The following DCAF6 variants were observed in gnomAD, a reference collection of about 807,000 sequenced individuals.
DCAF6 encodes DDB1 and CUL4 associated factor 6.
DCAF6 carries 54 observed loss-of-function variants against 125.1 expected under a neutral mutation model. That is an observed-to-expected ratio of 0.43 (90% CI 0.35 to 0.54). The LOEUF (loss-of-function observed/expected upper bound fraction) is 0.54. DCAF6 is among the 20% of genes least tolerant of loss of function. The pLI, the probability that DCAF6 is intolerant of heterozygous loss-of-function variation, is 0.01. For missense variants in DCAF6, 934 were observed against 1,161.7 expected (o/e 0.80, Z 2.85); for synonymous variants, 371 against 390.4 (o/e 0.95, Z 0.58).
intron 13 of DCAF6, among the ~76,000 whole-genome samples, chr1:168,039,644 CAA>C (rs1558014065): frequency 6.9e-6 from 1 of 145,932 alleles, no homozygotes; most frequent in East Asian, 2.0e-4. Flanking sequence ...TGTTTAATGA[CAA>C]TATATTAATT....
chr1:168,058,031 CAT>C (rs1299240368), intron 17 of DCAF6, among the ~76,000 whole-genome samples: 1 of 152,070 alleles, frequency 6.6e-6, no homozygotes, highest in Non-Finnish European at 1.5e-5. Flanking sequence ...AACATATAAA[CAT>C]AAAGTTTTAC....
At chr1:167,933,376 A>T (rs1670968999), upstream of DCAF6, among the ~76,000 whole-genome samples, 1 of 152,168 alleles carries the variant, frequency 6.6e-6, no homozygotes, top group Non-Finnish European at 1.5e-5. Flanking sequence ...CATGTTGGTC[A>T]GGCTGGTCTC....
At chr1:168,000,988 A>G (rs1682532548) in intron 7 of DCAF6, among the ~76,000 whole-genome samples, 1 of 152,174 alleles carries the variant, frequency 6.6e-6, no homozygotes, top group Non-Finnish European at 1.5e-5. Flanking sequence ...TGGTATGTGA[A>G]TTATATTTCA....
the DCAF6 span, among the ~76,000 whole-genome samples, chr1:167,870,678 G>A: frequency 2.0e-4 from 31 of 151,286 alleles, no homozygotes; most frequent in South Asian, 3.4e-3. Flanking sequence ...ACTTGGTGGC[G>A]GGTGCCTGTA....
chr1:168,065,969 T>G (rs1043639791), intron 19 of DCAF6, among the ~76,000 whole-genome samples: 1 of 152,210 alleles, frequency 6.6e-6, no homozygotes, highest in Non-Finnish European at 1.5e-5. Flanking sequence ...TCTCCCAATA[T>G]TTCTTCTAAG....
At chr1:167,913,394 C>T in the DCAF6 span, among the ~76,000 whole-genome samples, 2 of 152,172 alleles carry the variant, frequency 1.3e-5, no homozygotes, top group African/African-American at 4.8e-5. Flanking sequence ...AGTCAGGTTT[C>T]ACGAGTCCAA....
intron 17 of DCAF6, among the ~76,000 whole-genome samples, chr1:168,054,435 G>A (rs1375669015): frequency 1.3e-5 from 2 of 152,168 alleles, no homozygotes; most frequent in East Asian, 3.8e-4. Context: ...ATTCTTGAGA[G>A]TGGAGCCCTC....
At chr1:167,883,475 A>G in the DCAF6 span, 1 of 1,614,240 alleles carries the variant, frequency 6.2e-7, no homozygotes, top group Non-Finnish European at 8.5e-7. Flanking sequence ...TGGCCTTGGA[A>G]GATCTTCAGG....
At chr1:167,930,767 T>G in the DCAF6 span, among the ~76,000 whole-genome samples, 22 of 152,220 alleles carry the variant, frequency 1.4e-4, no homozygotes, top group African/African-American at 5.3e-4. Context: ...TTAAACATAT[T>G]TCATTCTCTG....
chr1:167,898,993 T>C, the DCAF6 span, among the ~76,000 whole-genome samples: 7 of 152,236 alleles, frequency 4.6e-5, no homozygotes, highest in South Asian at 1.2e-3. Context: ...TCACTGAACT[T>C]CGCCGCACTT....
chr1:167,957,986 ATTGT>A (rs1178209923), intron 2 of DCAF6, among the ~76,000 whole-genome samples: 1 of 151,494 alleles, frequency 6.6e-6, no homozygotes, highest in Non-Finnish European at 1.5e-5. Context: ...TTTTAATTGG[ATTGT>A]TTGTCTTTTT....
intron 17 of DCAF6, chr1:168,056,547 T>C (rs2101903674): frequency 2.4e-6 from 1 of 420,982 alleles, no homozygotes; most frequent in Admixed American, 5.4e-5. Flanking sequence ...TTGAATGGAA[T>C]AATTTAATTA....
intron 3 of DCAF6, among the ~76,000 whole-genome samples, chr1:167,972,524 G>C (rs951413442): frequency 1.3e-5 from 2 of 152,140 alleles, no homozygotes; most frequent in African/African-American, 4.8e-5. Flanking sequence ...GCTTTTGGAG[G>C]GTAGAGTTTG....
At chr1:167,903,267 T>TAA in the DCAF6 span, among the ~76,000 whole-genome samples, 1 of 108,350 alleles carries the variant, frequency 9.2e-6, no homozygotes, top group East Asian at 2.6e-4. Flanking sequence ...AAAAAAAAAA[T>TAA]TAATAAATAA....
At chr1:167,938,768 G>C (rs1671761477) in intron 1 of DCAF6, among the ~76,000 whole-genome samples, 1 of 151,938 alleles carries the variant, frequency 6.6e-6, no homozygotes, top group Admixed American at 6.6e-5. Context: ...GTTTTCTTTT[G>C]GTTCAGTTAC....
the DCAF6 span, among the ~76,000 whole-genome samples, chr1:167,872,904 T>C: frequency 3.3e-5 from 5 of 151,582 alleles, no homozygotes; most frequent in Middle Eastern, 3.4e-3. Flanking sequence ...ACCCCGTCTC[T>C]ACTAAAAATA....
chr1:167,886,036 C>A, the DCAF6 span, among the ~76,000 whole-genome samples: 3 of 151,926 alleles, frequency 2.0e-5, no homozygotes, highest in Admixed American at 6.6e-5. Flanking sequence ...CACTGCTCAA[C>A]GAAGTAAAAG....
intron 17 of DCAF6, among the ~76,000 whole-genome samples, chr1:168,063,410 G>C (rs1691859083): frequency 6.6e-6 from 1 of 152,060 alleles, no homozygotes; most frequent in South Asian, 2.1e-4. Flanking sequence ...AAATTTCTAA[G>C]TGATCTCTTA....
At chr1:167,900,003 C>A in the DCAF6 span, among the ~76,000 whole-genome samples, 4 of 152,232 alleles carry the variant, frequency 2.6e-5, no homozygotes, top group African/African-American at 9.6e-5. Context: ...GAAGCTGTAA[C>A]TAAAAATAAT....
Sources: allele counts gnomAD v4.1 joint callset (sites outside exome capture counted in the v4.1 genomes callset), GRCh38; gene constraint gnomAD v4.1.1; transcripts MANE v1.5; gene names NCBI Gene and HGNC (gene_info 2026-07-23, HGNC 2026-07-21).